TMEM178A: variants seen among roughly 807,000 people sequenced by gnomAD.
TMEM178A encodes the protein transmembrane protein 178A, also known as transmembrane protein 178.
In TMEM178A, 12 loss-of-function variants were observed where a neutral mutation model predicts 29.1. The observed-to-expected ratio is 0.41, with a 90% CI of 0.26 to 0.67. The LOEUF is 0.67. Among genes scored for constraint, TMEM178A ranks in the 30% least tolerant of loss-of-function variants. TMEM178A has a pLI of 0.29. For synonymous variants in TMEM178A, 210 were observed against 187.2 expected (o/e 1.12, Z -0.99); for missense variants, 366 against 419.1 (o/e 0.87, Z 1.11).
chr2:39,713,012 T>A (rs1672380179), intron 3 of TMEM178A, among the ~76,000 whole-genome samples: 1 of 152,216 alleles, frequency 6.6e-6, no homozygotes, highest in Non-Finnish European at 1.5e-5. Context: ...AGAATTCAGT[T>A]TCGTTCAGGT....
intron 1 of TMEM178A, among the ~76,000 whole-genome samples, chr2:39,684,957 C>A (rs1013281074): frequency 1.3e-5 from 2 of 152,212 alleles, no homozygotes; most frequent in African/African-American, 4.8e-5. Context: ...CTCACTGGAA[C>A]CTTTTTCTCT....
At chr2:39,681,369 T>A (rs1284347880) in intron 1 of TMEM178A, among the ~76,000 whole-genome samples, 1 of 152,198 alleles carries the variant, frequency 6.6e-6, no homozygotes, top group African/African-American at 2.4e-5. Context: ...ATGTATATGA[T>A]CTAAGGTATT....
intron 1 of TMEM178A, among the ~76,000 whole-genome samples, chr2:39,698,818 G>A (rs953629491): frequency 6.6e-6 from 1 of 151,884 alleles, no homozygotes; most frequent in Non-Finnish European, 1.5e-5. Flanking sequence ...TTTTTACTAA[G>A]TTAATTACTA....
At chr2:39,680,399 G>C (rs1241296117) in intron 1 of TMEM178A, among the ~76,000 whole-genome samples, 5 of 152,176 alleles carry the variant, frequency 3.3e-5, no homozygotes, top group Admixed American at 3.3e-4. Context: ...TTGCTCTTTT[G>C]AATGTGACAT....
At chr2:39,707,685 C>T (rs928953105) in intron 3 of TMEM178A, among the ~76,000 whole-genome samples, 8 of 152,144 alleles carry the variant, frequency 5.3e-5, no homozygotes, top group Admixed American at 2.0e-4. Flanking sequence ...AGGCTGGTCT[C>T]GAACTCCTGA....
intron 1 of TMEM178A, among the ~76,000 whole-genome samples, chr2:39,681,418 T>C (rs970592037): frequency 6.6e-6 from 1 of 152,222 alleles, no homozygotes; most frequent in African/African-American, 2.4e-5. Flanking sequence ...ATAAGCATTT[T>C]GGTCATTCGG....
chr2:39,679,588 T>A (rs1247395477), intron 1 of TMEM178A, among the ~76,000 whole-genome samples: 1 of 152,186 alleles, frequency 6.6e-6, no homozygotes, highest in Non-Finnish European at 1.5e-5. Context: ...TCTCTTTACT[T>A]ATCTCCATAG....
chr2:39,691,805 C>T (rs572811878), intron 1 of TMEM178A, among the ~76,000 whole-genome samples: 1 of 151,130 alleles, frequency 6.6e-6, no homozygotes, highest in South Asian at 2.1e-4. Context: ...ATATATAAAA[C>T]ATTTACATAC....
chr2:39,724,156 G>A, the TMEM178A span, among the ~76,000 whole-genome samples: 1 of 152,094 alleles, frequency 6.6e-6, no homozygotes, highest in African/African-American at 2.4e-5. Context: ...AGAACATTAT[G>A]AGAAATTCCC....
intron 1 of TMEM178A, among the ~76,000 whole-genome samples, chr2:39,688,881 A>T (rs1671194448): frequency 6.6e-6 from 1 of 152,188 alleles, no homozygotes; most frequent in African/African-American, 2.4e-5. Flanking sequence ...TTATCTTGCT[A>T]TGTATCTATA....
At chr2:39,669,583 A>C (rs1365370272) in intron 1 of TMEM178A, among the ~76,000 whole-genome samples, 2 of 152,230 alleles carry the variant, frequency 1.3e-5, no homozygotes, top group African/African-American at 4.8e-5. Flanking sequence ...CAGAGCCTGG[A>C]ATGGTCTAGG....
chr2:39,671,531 G>C (rs1272890082), intron 1 of TMEM178A, among the ~76,000 whole-genome samples: 2 of 152,122 alleles, frequency 1.3e-5, no homozygotes, highest in African/African-American at 2.4e-5. Flanking sequence ...GGGGGTTCTG[G>C]GGATATGATT....
chr2:39,698,698 A>ATTTT (rs397955246), intron 1 of TMEM178A, among the ~76,000 whole-genome samples: 1 of 146,232 alleles, frequency 6.8e-6, no homozygotes, highest in Non-Finnish European at 1.5e-5. Flanking sequence ...TTCATGCTCT[A>ATTTT]TTTTTTTTTT....
rs929005995 is a variant in TMEM178A at position 39,693,941 on chromosome 2, T to C, written c.401-10140T>C. Among the ~76,000 whole-genome samples the C allele has an allele frequency of 2.0e-5, 3 of 151,418 alleles. No homozygotes were observed. The South Asian group carries it at 6.2e-4, about 31-fold the overall frequency. On this transcript the variant is annotated intron_variant, in intron 1 of 3. Coordinates refer to ENST00000281961, the MANE Select transcript of TMEM178A (RefSeq NM_152390.3). ...AAGATCATGCCTTTTTGAACACTATTATTTCTGGTTTATTCCTCAGCCACC... is the reference window on the plus strand; with the variant it reads ...AAGATCATGCCTTTTTGAACACTATCATTTCTGGTTTATTCCTCAGCCACC...
upstream of TMEM178A, chr2:39,665,638 G>C (rs1670108103): frequency 3.8e-6 from 1 of 266,228 alleles, no homozygotes; most frequent in Non-Finnish European, 7.0e-6. Context: ...CTGTGGATCG[G>C]AGGTAGGGAG....
intron 1 of TMEM178A, among the ~76,000 whole-genome samples, chr2:39,670,038 G>A (rs192148214): frequency 2.1e-3 from 326 of 152,280 alleles, no homozygotes; most frequent in Non-Finnish European, 4.1e-3. Flanking sequence ...TGATGCTGAG[G>A]AAGCTTTGCT....
At chr2:39,682,800 G>A (rs1386956775) in intron 1 of TMEM178A, among the ~76,000 whole-genome samples, 2 of 152,190 alleles carry the variant, frequency 1.3e-5, no homozygotes, top group African/African-American at 2.4e-5. Flanking sequence ...GAATTACATA[G>A]CCAAGGGACC....
chr2:39,705,504 A>C (rs1410204734), intron 2 of TMEM178A, among the ~76,000 whole-genome samples: 1 of 152,130 alleles, frequency 6.6e-6, no homozygotes, highest in Non-Finnish European at 1.5e-5. Flanking sequence ...AACTACTTAT[A>C]CCCTTAACAT....
intron 3 of TMEM178A, among the ~76,000 whole-genome samples, chr2:39,715,040 G>T (rs1475319848): frequency 6.6e-6 from 1 of 152,158 alleles, no homozygotes; most frequent in Non-Finnish European, 1.5e-5. Context: ...GGCTCAGAGA[G>T]GTTAGGTAAT....
Sources: gnomAD v4.1 joint callset for allele counts (sites outside exome capture counted in the v4.1 genomes callset) on GRCh38, gnomAD v4.1.1 for gene constraint, MANE v1.5 for transcripts, NCBI Gene and HGNC (gene_info 2026-07-23, HGNC 2026-07-21) for gene names.